Variants in PLXNA4 observed in about 807,000 individuals in gnomAD.
PLXNA4 encodes plexin-A4.
A neutral mutation model predicts 191.8 loss-of-function variants in PLXNA4; 44 were observed. The ratio of observed to expected loss-of-function variants is 0.23; its 90% CI spans 0.18 to 0.29. The LOEUF (loss-of-function observed/expected upper bound fraction) is 0.29, where lower values mean the gene tolerates loss of function less well. Ranked by LOEUF, PLXNA4 falls within the 10% of genes least tolerant of loss-of-function variation. The pLI is 1.00. For missense variants in PLXNA4, 1,800 were observed against 2,488.8 expected (o/e 0.72, Z 5.89); for synonymous variants, 1,082 against 1,009.5 (o/e 1.07, Z -1.36).
intron 3 of PLXNA4, among the ~76,000 whole-genome samples, chr7:132,353,041 G>C (rs887457453): frequency 2.6e-5 from 4 of 152,086 alleles, no homozygotes; most frequent in Non-Finnish European, 5.9e-5. Context: ...AACGTCGCCT[G>C]CTCCCACTTG....
chr7:132,509,031 G>A (rs1051784937), intron 1 of PLXNA4, among the ~76,000 whole-genome samples: 12 of 152,178 alleles, frequency 7.9e-5, no homozygotes, highest in African/African-American at 2.9e-4. Context: ...TAGCAGTGAT[G>A]ATGATGATGA....
chr7:132,603,305 G>A (rs1332830248), intron 2 of PLXNA4, among the ~76,000 whole-genome samples: 2 of 151,596 alleles, frequency 1.3e-5, no homozygotes, highest in Non-Finnish European at 2.9e-5. Context: ...TCCACCCCGG[G>A]AAGAGAGGAG....
intron 3 of PLXNA4, among the ~76,000 whole-genome samples, chr7:132,353,745 C>A (rs1302295841): frequency 1.3e-5 from 2 of 152,160 alleles, no homozygotes; most frequent in East Asian, 3.9e-4. Context: ...GGTTGAGAGG[C>A]AGAGAAAGGA....
intron 3 of PLXNA4, among the ~76,000 whole-genome samples, chr7:132,438,088 T>A (rs936275270): frequency 6.6e-6 from 1 of 152,218 alleles, no homozygotes; most frequent in Non-Finnish European, 1.5e-5. Context: ...GTACACCCTA[T>A]GCAGGAAAAC....
chr7:132,624,095 A>G (rs538809291), intron 2 of PLXNA4, among the ~76,000 whole-genome samples: 91 of 152,328 alleles, frequency 6.0e-4, no homozygotes, highest in Non-Finnish European at 9.6e-4. Flanking sequence ...TGTAGTCAAG[A>G]TAGATTGTCA....
chr7:132,424,358 G>A (rs1794959126), intron 3 of PLXNA4, among the ~76,000 whole-genome samples: 1 of 152,166 alleles, frequency 6.6e-6, no homozygotes, highest in Admixed American at 6.5e-5. Flanking sequence ...ATGGCTGAAG[G>A]GGCTGAGGAG....
chr7:132,269,374 C>A (rs566342706), intron 4 of PLXNA4, among the ~76,000 whole-genome samples: 1 of 152,194 alleles, frequency 6.6e-6, no homozygotes, highest in Non-Finnish European at 1.5e-5. Context: ...CCCCCGCCCC[C>A]ACCATCTGCC....
rs903653726 is a variant in PLXNA4 at position 132,386,373 on chromosome 7, G to A, written c.1372-88151C>T. Among the ~76,000 whole-genome samples, 9 of 152,196 alleles carry A rather than the reference G, an allele frequency of 5.9e-5. No individual in the cohort carries two copies. The South Asian group carries it at 6.2e-4, about 10-fold the overall frequency. The stretch of plus-strand genomic sequence containing the variant: ...AAATGACCGCTGGTCAAACACGGGC[G>A]GGCTCCAGCTGGTCTCATTCCTGTT... On this transcript the variant is annotated intron_variant, in intron 3 of 31. Transcript: ENST00000321063.
intron 1 of PLXNA4, among the ~76,000 whole-genome samples, chr7:132,573,410 T>G (rs1035703335): frequency 2.6e-5 from 4 of 152,064 alleles, no homozygotes; most frequent in Non-Finnish European, 5.9e-5. Flanking sequence ...AGGAGAGAGA[T>G]CCACAGCGAT....
chr7:132,349,739 G>A (rs1803406176), intron 3 of PLXNA4, among the ~76,000 whole-genome samples: 1 of 151,998 alleles, frequency 6.6e-6, no homozygotes, highest in Admixed American at 6.6e-5. Context: ...CTTATATTGA[G>A]GATGGGTATC....
At chr7:132,170,419 A>AG (rs986332175) in intron 21 of PLXNA4, among the ~76,000 whole-genome samples, 3 of 152,086 alleles carry the variant, frequency 2.0e-5, no homozygotes, top group Admixed American at 6.5e-5. Flanking sequence ...CTGAAAGGAG[A>AG]GGGGGTATGA....
intron 2 of PLXNA4, among the ~76,000 whole-genome samples, chr7:132,501,950 G>A (rs1353382169): frequency 1.3e-5 from 2 of 152,206 alleles, no homozygotes; most frequent in Admixed American, 1.3e-4. Context: ...GGGAAGAGGA[G>A]GAGTTCCAGG....
At chr7:132,616,316 C>G (rs1465050008) in intron 2 of PLXNA4, among the ~76,000 whole-genome samples, 1 of 152,160 alleles carries the variant, frequency 6.6e-6, no homozygotes, top group East Asian at 1.9e-4. Context: ...CCTGTCTCAG[C>G]CTGTTCTCTA....
intron 4 of PLXNA4, among the ~76,000 whole-genome samples, chr7:132,262,667 T>C (rs770397687): frequency 2.0e-5 from 3 of 152,138 alleles, no homozygotes; most frequent in Non-Finnish European, 4.4e-5. Flanking sequence ...CAATTAATAT[T>C]GTTGTTAGGC....
At chr7:132,298,593 A>C (rs10441255) in intron 3 of PLXNA4, among the ~76,000 whole-genome samples, 23,767 of 152,290 alleles carry the variant, frequency 0.16, 2,222 homozygotes, top group Admixed American at 0.28. Flanking sequence ...GTCACCCTGC[A>C]TTGGAAAGGC....
chr7:132,428,191 G>A (rs1184925150), intron 3 of PLXNA4, among the ~76,000 whole-genome samples: 3 of 152,124 alleles, frequency 2.0e-5, no homozygotes, highest in African/African-American at 7.2e-5. Flanking sequence ...TCCTAATAGC[G>A]GGGACGTCCC....
At chr7:132,203,572 A>T (rs1382727297) in intron 10 of PLXNA4, among the ~76,000 whole-genome samples, 153 bp from the exon 11 acceptor site, 1 of 152,232 alleles carries the variant, frequency 6.6e-6, no homozygotes, top group East Asian at 1.9e-4. Context: ...GTGTGCATAC[A>T]AGTATGCACA....
intron 2 of PLXNA4, among the ~76,000 whole-genome samples, chr7:132,612,163 C>G (rs1298930806): frequency 6.6e-6 from 1 of 152,226 alleles, no homozygotes; most frequent in African/African-American, 2.4e-5. Flanking sequence ...TAGCACATGT[C>G]CGCTTACATC....
At chr7:132,256,077 C>A (rs1246890862) in intron 4 of PLXNA4, among the ~76,000 whole-genome samples, 1 of 152,168 alleles carries the variant, frequency 6.6e-6, no homozygotes, top group Non-Finnish European at 1.5e-5. Context: ...GTGCTGTGTG[C>A]CGGCATGTTG....
Sources: gnomAD v4.1 joint callset for allele counts (sites outside exome capture counted in the v4.1 genomes callset) on GRCh38, gnomAD v4.1.1 for gene constraint, MANE v1.5 for transcripts, NCBI Gene and HGNC (gene_info 2026-07-23, HGNC 2026-07-21) for gene names.